The following RPTOR variants were observed in gnomAD, a reference collection of about 807,000 sequenced individuals.
The protein encoded by RPTOR is regulatory-associated protein of mTOR.
A neutral mutation model predicts 169.9 loss-of-function variants in RPTOR; 21 were observed. That is an observed-to-expected ratio of 0.12 (90% CI 0.09 to 0.18). The LOEUF (loss-of-function observed/expected upper bound fraction) is 0.18, where lower values mean the gene tolerates loss of function less well. Ranked by LOEUF, RPTOR falls within the 10% of genes least tolerant of loss-of-function variation. The pLI is 1.00. For synonymous variants in RPTOR, 732 were observed against 753.2 expected, an observed-to-expected ratio of 0.97 and a Z score of 0.46; for missense variants, 1,133 against 1,855.9, an observed-to-expected ratio of 0.61 and a Z score of 7.16.
In RPTOR at chr17:80,754,474, A is replaced by G. The variant is rs943733845; in HGVS notation, c.830+289A>G. ...TTGTTCACTGCGGAGGCGTCTTAGT[A>G]CCAGGATAGGTCATACTGGAAACTG... On this transcript the variant is annotated intron_variant, in intron 6 of 33. Coordinates refer to ENST00000306801, the MANE Select transcript of RPTOR (RefSeq NM_020761.3). This position sits in a 1 kb window ranked among gnomAD's most constrained non-coding sequence, Gnocchi z 4.2. Among the ~76,000 whole-genome samples the G allele has an allele frequency of 6.6e-5, 10 of 152,176 alleles. No individual in the cohort carries two copies. The highest frequency in any genetic ancestry group is 2.4e-4 in the African/African-American group (10 of 41,438).
chr17:80,907,317 C>G (rs2068556176), intron 20 of RPTOR, among the ~76,000 whole-genome samples: 1 of 152,272 alleles, frequency 6.6e-6, no homozygotes, highest in Non-Finnish European at 1.5e-5. Flanking sequence ...TGGCTGGATC[C>G]CTTTTCAGCT....
At chr17:80,722,538 G>A (rs2066295683) in intron 4 of RPTOR, among the ~76,000 whole-genome samples, 1 of 151,000 alleles carries the variant, frequency 6.6e-6, no homozygotes, top group Admixed American at 6.6e-5. Flanking sequence ...AGGGGAGACG[G>A]CGCATAGATG....
chr17:80,722,181 GTCATCA>G (rs997458004), intron 4 of RPTOR, among the ~76,000 whole-genome samples: 1 of 150,674 alleles, frequency 6.6e-6, no homozygotes, highest in African/African-American at 2.5e-5. Flanking sequence ...GCAAAGTGCC[GTCATCA>G]TCATCATCAT....
rs9916793 is a variant in RPTOR at position 80,608,188 on chromosome 17, C to T, written c.163-17503C>T. Among the ~76,000 whole-genome samples, 214 of 152,286 alleles carry T rather than the reference C, an allele frequency of 1.4e-3. 2 individuals are homozygous for T. Among genetic ancestry groups the T allele is most frequent in the African/African-American group, 4.6e-3 (190 of 41,546 alleles). ...CCCACTCCTGCCACCTGCCCCTGCCCGACGGCGCAGCACAGTGACAGCGAC... is the reference window on the plus strand; with the variant it reads ...CCCACTCCTGCCACCTGCCCCTGCCTGACGGCGCAGCACAGTGACAGCGAC... On this transcript the variant is annotated intron_variant, in intron 1 of 33. Coordinates refer to ENST00000306801, the MANE Select transcript of RPTOR (RefSeq NM_020761.3).
At chr17:80,567,311 G>T (rs1378579454) in intron 1 of RPTOR, among the ~76,000 whole-genome samples, 3 of 151,334 alleles carry the variant, frequency 2.0e-5, no homozygotes, top group Non-Finnish European at 4.4e-5. Context: ...TTTGGTGGTG[G>T]TTCTAAGATT....
intron 24 of RPTOR, among the ~76,000 whole-genome samples, chr17:80,930,655 C>G (rs1022361510): frequency 5.3e-5 from 8 of 152,254 alleles, no homozygotes; most frequent in Non-Finnish European, 1.2e-4. Context: ...TAGGTCGATT[C>G]CCCTCCAGGA....
At chr17:80,744,781 C>T (rs78949468) in intron 5 of RPTOR, among the ~76,000 whole-genome samples, 264 of 2,176 alleles carry the variant, frequency 0.12, 3 homozygotes, top group East Asian at 0.46. Flanking sequence ...ACTGTCCTGG[C>T]TACTAGCACA....
chr17:80,802,598 A>T (rs1228140358), intron 7 of RPTOR: 2 of 152,514 alleles, frequency 1.3e-5, no homozygotes, highest in Admixed American at 1.3e-4. Flanking sequence ...ATCTCAAAAA[A>T]AAAAAAAGAA....
chr17:80,621,297 A>T (rs761153032), intron 1 of RPTOR, among the ~76,000 whole-genome samples: 24 of 152,220 alleles, frequency 1.6e-4, no homozygotes, highest in Non-Finnish European at 2.8e-4. Context: ...ATCTTCAGAG[A>T]TACTTTTATA....
chr17:80,637,935 C>A (rs1012110383), intron 2 of RPTOR, among the ~76,000 whole-genome samples: 3 of 152,248 alleles, frequency 2.0e-5, no homozygotes, highest in Non-Finnish European at 4.4e-5. Flanking sequence ...TTGATTCTTG[C>A]AACCATTTGG....
chr17:80,955,626 C>T (rs185777956), intron 28 of RPTOR, among the ~76,000 whole-genome samples: 3 of 152,252 alleles, frequency 2.0e-5, no homozygotes, highest in African/African-American at 4.8e-5. Flanking sequence ...AAGATATTTG[C>T]AGTATCTACG....
intron 1 of RPTOR, among the ~76,000 whole-genome samples, chr17:80,612,412 T>G (rs1052444314): frequency 3.3e-5 from 5 of 152,340 alleles, no homozygotes; most frequent in South Asian, 2.1e-4. Flanking sequence ...ATTGCAGGTG[T>G]GAGCCACTGT....
rs1028379167 is a variant in RPTOR, at chr17:80,885,115, G to T, written c.1950G>T (p.Gln650His). The change falls in exon 17 of 34, where the codon CAG (glutamine) becomes CAT (histidine). Residue 650 changes from glutamine (Q) to histidine (H), a missense_variant. This residue lies in a region of RPTOR where 150 missense variants were observed against 206.4 expected (regional missense o/e 0.73). Transcript: ENST00000306801. ...ACAACGTGGCCATGATGCTGGCCCA[G>T]CTGGTCAGCGACGGGAGCCCCATGG... The part of the protein sequence containing the change: ...IDHNVAMMLA[Q>H]LVSDGSPMVR... 2 of 1,571,308 alleles carry T rather than the reference G, an allele frequency of 1.3e-6. No homozygotes were observed. Among genetic ancestry groups the T allele is most frequent in the African/African-American group, 1.3e-5 (1 of 74,214 alleles).
intron 1 of RPTOR, among the ~76,000 whole-genome samples, chr17:80,584,428 C>T (rs2065041727): frequency 6.6e-6 from 1 of 151,790 alleles, no homozygotes; most frequent in Non-Finnish European, 1.5e-5. Flanking sequence ...GAGTGGAATT[C>T]TTCTGGGAAA....
At chr17:80,930,448 T>TCAGCTCATCCC (rs2068880683) in intron 24 of RPTOR, among the ~76,000 whole-genome samples, 1 of 2,148 alleles carries the variant, frequency 4.7e-4, no homozygotes, top group African/African-American at 2.1e-3. Context: ...CAGCTCATCC[T>TCAGCTCATCCC]CAGCTCATCC....
chr17:80,698,507 C>G (rs2066056533), intron 3 of RPTOR, among the ~76,000 whole-genome samples: 2 of 152,202 alleles, frequency 1.3e-5, no homozygotes, highest in African/African-American at 4.8e-5. Context: ...GTCCTCCAGC[C>G]AAAGGAAACA....
intron 17 of RPTOR, among the ~76,000 whole-genome samples, chr17:80,888,745 C>T (rs2068279660): frequency 6.6e-6 from 1 of 152,236 alleles, no homozygotes; most frequent in Non-Finnish European, 1.5e-5. Flanking sequence ...GCACGTGCCA[C>T]GTGCCGGGCC....
intron 1 of RPTOR, among the ~76,000 whole-genome samples, chr17:80,610,870 G>A (rs868402162): frequency 6.6e-6 from 1 of 152,232 alleles, no homozygotes; most frequent in African/African-American, 2.4e-5. Context: ...GGAAGATAAT[G>A]TGTCAGACAC....
intron 1 of RPTOR, among the ~76,000 whole-genome samples, chr17:80,560,606 C>T (rs183348194): frequency 1.2e-3 from 190 of 152,080 alleles, no homozygotes; most frequent in Middle Eastern, 3.4e-3. Flanking sequence ...GCTGGAGGAA[C>T]GGGGACGTGC....
Sources: gnomAD v4.1 joint callset for allele counts (sites outside exome capture counted in the v4.1 genomes callset) on GRCh38, gnomAD v4.1.1 for gene constraint, gnomAD v4.1.1 regional missense constraint, Gnocchi (gnomAD v3.1) non-coding constraint, MANE v1.5 for transcripts, NCBI Gene and HGNC (gene_info 2026-07-23, HGNC 2026-07-21) for gene names.